FRMD4B: variants seen among roughly 807,000 people sequenced by gnomAD.
FRMD4B encodes FERM domain containing 4B.
FRMD4B carries 74 observed loss-of-function variants against 141.5 expected under a neutral mutation model. The observed-to-expected ratio is 0.52, with a 90% CI of 0.43 to 0.63. FRMD4B has a LOEUF of 0.63. Ranked by LOEUF, FRMD4B falls within the 30% of genes least tolerant of loss-of-function variation. The pLI is 0.00. For missense variants in FRMD4B, 1,366 were observed against 1,253.4 expected (o/e 1.09, Z -1.36); for synonymous variants, 506 against 467.9 (o/e 1.08, Z -1.05).
rs59055951 is a variant in FRMD4B at position 69,540,692 on chromosome 3, C to CACAT, written c.-129+1513_-129+1514insATGT. Among the ~76,000 whole-genome samples, 232 of 128,886 alleles carry CACAT rather than the reference C, an allele frequency of 1.8e-3. 2 individuals carry two copies. Among genetic ancestry groups the CACAT allele is most frequent in the African/African-American group, 6.9e-3 (217 of 31,612 alleles). The allele number at this position is 128,886 out of a possible 152,430, so 84.6% of individuals were successfully genotyped here. The stretch of plus-strand genomic sequence containing the variant: ...ACACACACACACACACACACACACA[C>CACAT]GGCAGTTATTGTTATTGTTATTATT... On this transcript the variant is annotated intron_variant, in intron 1 of 5. Coordinates refer to the FRMD4B transcript ENST00000459638.
chr3:69,435,972 G>T (rs1007694926), intron 1 of FRMD4B, among the ~76,000 whole-genome samples: 3 of 152,096 alleles, frequency 2.0e-5, no homozygotes, highest in African/African-American at 7.2e-5. Flanking sequence ...GTATAAAAAG[G>T]TGCATATCTT....
chr3:69,200,858 CTGTGTTT>C (rs1294010529), intron 11 of FRMD4B: 1 of 464,270 alleles, frequency 2.2e-6, no homozygotes. Context: ...TGCAGCTCAG[CTGTGTTT>C]TCCTTTGCGT....
intron 2 of FRMD4B, among the ~76,000 whole-genome samples, chr3:69,405,254 C>T (rs1277891309): frequency 1.3e-5 from 2 of 152,200 alleles, no homozygotes; most frequent in Non-Finnish European, 2.9e-5. Flanking sequence ...TGTGCTATCA[C>T]AAAAGGGTAT....
At chr3:69,456,068 G>C (rs183926353) in intron 1 of FRMD4B, among the ~76,000 whole-genome samples, 2 of 152,146 alleles carry the variant, frequency 1.3e-5, no homozygotes, top group African/African-American at 2.4e-5. Context: ...AACTGGTGCC[G>C]AGTATCTCTA....
chr3:69,183,992 T>C (rs964025749), intron 19 of FRMD4B, among the ~76,000 whole-genome samples: 3 of 151,820 alleles, frequency 2.0e-5, no homozygotes, highest in Admixed American at 1.3e-4. Flanking sequence ...AGCTCCTGGG[T>C]TCGAGTGATC....
chr3:69,228,715 G>A (rs1575633549), intron 7 of FRMD4B: 1 of 307,802 alleles, frequency 3.2e-6, no homozygotes, highest in East Asian at 7.7e-5. Flanking sequence ...GCATGTGCCT[G>A]TGGTTTCAGC....
chr3:69,475,211 T>G (rs1409492124), intron 1 of FRMD4B, among the ~76,000 whole-genome samples: 1 of 152,130 alleles, frequency 6.6e-6, no homozygotes, highest in Non-Finnish European at 1.5e-5. Context: ...TTTTTTTCTT[T>G]TATTATTATT....
chr3:69,467,185 T>C (rs1303852396), intron 1 of FRMD4B, among the ~76,000 whole-genome samples: 1 of 152,192 alleles, frequency 6.6e-6, no homozygotes, highest in Admixed American at 6.5e-5. Context: ...GTGGAGGTAC[T>C]GTTTGGGTCT....
At chr3:69,207,307 T>TA (rs11389016) in intron 11 of FRMD4B, among the ~76,000 whole-genome samples, 108,322 of 136,896 alleles carry the variant, frequency 0.79, 44,125 homozygotes, top group South Asian at 0.94. Context: ...CCTATGTCTT[T>TA]AAAAAAAAAA....
intron 1 of FRMD4B, among the ~76,000 whole-genome samples, chr3:69,323,936 G>A (rs1026851005): frequency 2.6e-5 from 4 of 151,990 alleles, no homozygotes; most frequent in East Asian, 1.9e-4. Flanking sequence ...CCTTGATTGC[G>A]AAGCCTAACA....
chr3:69,445,800 T>C (rs968456564), intron 1 of FRMD4B, among the ~76,000 whole-genome samples: 1 of 152,206 alleles, frequency 6.6e-6, no homozygotes, highest in African/African-American at 2.4e-5. Context: ...ATATCCTAAA[T>C]AGTATTAAGC....
intron 1 of FRMD4B, among the ~76,000 whole-genome samples, chr3:69,478,919 T>A (rs1403483924): frequency 6.6e-6 from 1 of 150,706 alleles, no homozygotes; most frequent in African/African-American, 2.5e-5. Flanking sequence ...TTTAGGATAG[T>A]TAGCTCTTCT....
intron 1 of FRMD4B, among the ~76,000 whole-genome samples, chr3:69,345,976 G>A (rs1702925542): frequency 6.6e-6 from 1 of 152,230 alleles, no homozygotes; most frequent in Admixed American, 6.5e-5. Flanking sequence ...AACAAAGCTG[G>A]ACAGAGAATG....
At chr3:69,457,141 C>A (rs1226217827) in intron 1 of FRMD4B, among the ~76,000 whole-genome samples, 4 of 151,270 alleles carry the variant, frequency 2.6e-5, no homozygotes, top group African/African-American at 9.7e-5. Context: ...AATGAAGGAA[C>A]AAAGAAAAAA....
intron 1 of FRMD4B, chr3:69,536,294 G>A: frequency 1.6e-6 from 1 of 635,910 alleles, no homozygotes; most frequent in Non-Finnish European, 2.9e-6. Flanking sequence ...TCCCTGGGCT[G>A]GATTTTCCTC....
chr3:69,187,352 C>T (rs1339174330), intron 19 of FRMD4B, among the ~76,000 whole-genome samples: 1 of 151,604 alleles, frequency 6.6e-6, no homozygotes, highest in African/African-American at 2.4e-5. Context: ...TCGAGACCAC[C>T]CGGACCAACA....
intron 4 of FRMD4B, among the ~76,000 whole-genome samples, chr3:69,290,278 T>G (rs946006571): frequency 6.6e-6 from 1 of 152,028 alleles, no homozygotes; most frequent in East Asian, 1.9e-4. Context: ...CTTAGAGACT[T>G]GAGGGGCGGG....
At chr3:69,509,468 T>G (rs1706653967) in intron 1 of FRMD4B, among the ~76,000 whole-genome samples, 1 of 152,176 alleles carries the variant, frequency 6.6e-6, no homozygotes, top group African/African-American at 2.4e-5. Flanking sequence ...CAATTTCCCC[T>G]TTCTCAAGGT....
At chr3:69,182,492 C>T (rs1371417096) in intron 20 of FRMD4B, 106 bp downstream of exon 20, 1 of 1,053,786 alleles carries the variant, frequency 9.5e-7, no homozygotes, top group African/African-American at 1.6e-5. Flanking sequence ...AAACAAGGTC[C>T]TGCTACAGAA....
Sources: gnomAD v4.1 joint callset for allele counts (sites outside exome capture counted in the v4.1 genomes callset) on GRCh38, gnomAD v4.1.1 for gene constraint, MANE v1.5 for transcripts, NCBI Gene and HGNC (gene_info 2026-07-23, HGNC 2026-07-21) for gene names.